ZUP1: variants seen among roughly 807,000 people sequenced by gnomAD.
ZUP1 encodes the protein zinc finger-containing ubiquitin peptidase 1.
ZUP1 carries 55 observed loss-of-function variants against 68.1 expected under a neutral mutation model. The ratio of observed to expected loss-of-function variants is 0.81; its 90% CI spans 0.65 to 1.01. The LOEUF (loss-of-function observed/expected upper bound fraction) is 1.01. Ranked by LOEUF, ZUP1 falls within the 50% of genes least tolerant of loss-of-function variation. The probability of loss-of-function intolerance (pLI) is 0.00; values close to 1 mark genes in which losing one functional copy is unlikely to be tolerated. For missense variants in ZUP1, 684 were observed against 674.9 expected (o/e 1.01, Z -0.15); for synonymous variants, 223 against 221.5 (o/e 1.01, Z -0.06).
intron 9 of ZUP1, among the ~76,000 whole-genome samples, chr6:116,639,165 A>C (rs1255844311): frequency 6.6e-6 from 1 of 152,248 alleles, no homozygotes; most frequent in African/African-American, 2.4e-5. Context: ...AGGCTCGCTT[A>C]GGTAAACAAA....
chr6:116,651,890 G>A (rs1457329006), intron 6 of ZUP1, 114 bp downstream of exon 6: 6 of 1,412,840 alleles, frequency 4.2e-6, no homozygotes, highest in East Asian at 2.3e-5. Flanking sequence ...CAGAATTCAG[G>A]TTTCTTATAT....
intron 8 of ZUP1, among the ~76,000 whole-genome samples, chr6:116,646,579 A>G (rs1168191694): frequency 6.6e-6 from 1 of 152,102 alleles, no homozygotes; most frequent in Non-Finnish European, 1.5e-5. Context: ...TGCTGGGATG[A>G]GTTGTACGTG....
At chr6:116,643,093 T>C (rs1265425756) in intron 9 of ZUP1, among the ~76,000 whole-genome samples, 1 of 151,730 alleles carries the variant, frequency 6.6e-6, no homozygotes, top group African/African-American at 2.4e-5. Context: ...CACAATTGCT[T>C]CAAAGAGAAT....
chr6:116,641,985 A>G (rs149082252), intron 9 of ZUP1, among the ~76,000 whole-genome samples: 3,477 of 152,268 alleles, frequency 0.023, 68 homozygotes, highest in Middle Eastern at 0.099. Flanking sequence ...CAGACGCAAT[A>G]AAAAATGATA....
intron 3 of ZUP1, 50 bp from the exon 4 acceptor site, chr6:116,658,974 A>AT (rs1395859540): frequency 7.1e-7 from 1 of 1,406,704 alleles, no homozygotes; most frequent in East Asian, 2.6e-5. Flanking sequence ...GCAATCAAAG[A>AT]TTATTTATTA....
intron 2 of ZUP1, among the ~76,000 whole-genome samples, chr6:116,661,348 C>CAA (rs150074054): frequency 0.012 from 1,775 of 149,702 alleles, 11 homozygotes; most frequent in African/African-American, 0.029. Flanking sequence ...CATACCACTC[C>CAA]AAAAAAAAAG....
At chr6:116,638,968 C>T (rs567049443) in intron 9 of ZUP1, among the ~76,000 whole-genome samples, 4 of 152,334 alleles carry the variant, frequency 2.6e-5, no homozygotes, top group Admixed American at 1.3e-4. Flanking sequence ...CCTGGAACAT[C>T]GGGCCACTCC....
chr6:116,663,529 C>A (rs1776906240), intron 2 of ZUP1, among the ~76,000 whole-genome samples: 1 of 152,192 alleles, frequency 6.6e-6, no homozygotes, highest in South Asian at 2.1e-4. Context: ...AAAGGATTGT[C>A]AGGCATTTTT....
intron 4 of ZUP1, among the ~76,000 whole-genome samples, 162 bp downstream of exon 4, chr6:116,658,641 C>T (rs1460474207): frequency 6.6e-6 from 1 of 152,130 alleles, no homozygotes; most frequent in Non-Finnish European, 1.5e-5. Context: ...GAAGTGATTA[C>T]CCCTGTGCCT....
intron 9 of ZUP1, 92 bp from the exon 10 acceptor site, chr6:116,635,971 A>AT (rs1474901768): frequency 4.1e-5 from 36 of 887,470 alleles, no homozygotes; most frequent in South Asian, 7.4e-5. Flanking sequence ...AAAATCTGGA[A>AT]TTTTTTTTCA....
chr6:116,656,651 T>C (rs1376627690), intron 5 of ZUP1, 33 bp downstream of exon 5: 2 of 1,570,532 alleles, frequency 1.3e-6, no homozygotes, highest in East Asian at 2.3e-5. Flanking sequence ...ATAAGCAATA[T>C]TAAAACAATG....
intron 4 of ZUP1, among the ~76,000 whole-genome samples, chr6:116,657,694 A>G (rs530831881): frequency 6.6e-6 from 1 of 152,370 alleles, no homozygotes; most frequent in African/African-American, 2.4e-5. Context: ...GAAGTCCCAA[A>G]GTATACAAAC....
chr6:116,635,631 C>A lies in ZUP1; in HGVS notation c.*201G>T. On this transcript the variant is annotated 3_prime_UTR_variant, in exon 10 of 10. Transcript: ENST00000368576. ...AAAAACAAAATCCACAATGCAAAAACAAGACATTTTATTGAAATAATTTAC... is the reference window on the plus strand; with the variant it reads ...AAAAACAAAATCCACAATGCAAAAAAAAGACATTTTATTGAAATAATTTAC... 1 of 433,962 alleles carries A rather than the reference C, an allele frequency of 2.3e-6. No homozygotes were observed. The highest frequency in any genetic ancestry group is 4.0e-6 in the Non-Finnish European group (1 of 252,662). The allele number at this position is 433,962 out of a possible 1,614,324, so 26.9% of individuals were successfully genotyped here. A position where few individuals can be genotyped will look rare whatever the true frequency, so the allele number is the denominator to read the frequency against.
rs759434759 is a variant in ZUP1, at chr6:116,660,828, T to C, written c.578A>G (p.Tyr193Cys). The part of the protein sequence containing the change: ...IPLEDCDQPL[Y>C]DCPMCGLICT... ...TATGAGCCCACACATAGGACAATCATAGAGTGGTTGATCACAGTCTGTATC... is the reference window on the plus strand; with the variant it reads ...TATGAGCCCACACATAGGACAATCACAGAGTGGTTGATCACAGTCTGTATC... Residue 193 changes from tyrosine to cysteine, a missense_variant, in exon 3 of 10, where the codon TAT (tyrosine) becomes TGT (cysteine). Coordinates refer to ENST00000368576, the MANE Select transcript of ZUP1 (RefSeq NM_145062.3). The C allele has an allele frequency of 1.5e-5, 24 of 1,585,196 alleles. No individual in the cohort carries two copies. Among genetic ancestry groups the C allele is most frequent in the Non-Finnish European group, 2.1e-5 (24 of 1,160,784 alleles).
chr6:116,661,073 A>G (rs1776824856), intron 2 of ZUP1, among the ~76,000 whole-genome samples: 1 of 151,410 alleles, frequency 6.6e-6, no homozygotes, highest in African/African-American at 2.4e-5. Context: ...ATGAGATCTC[A>G]CTATGTCGTC....
intron 9 of ZUP1, among the ~76,000 whole-genome samples, chr6:116,642,308 A>G (rs1344529381): frequency 6.6e-6 from 1 of 152,208 alleles, no homozygotes; most frequent in Non-Finnish European, 1.5e-5. Context: ...TCAATAGAAA[A>G]AGAGGGAATC....
chr6:116,636,645 A>G (rs930183978), intron 9 of ZUP1, among the ~76,000 whole-genome samples: 1 of 152,152 alleles, frequency 6.6e-6, no homozygotes, highest in Non-Finnish European at 1.5e-5. Context: ...CAAGATTAAA[A>G]AAAATTTTTG....
At chr6:116,637,074 T>C (rs1775930010) in intron 9 of ZUP1, among the ~76,000 whole-genome samples, 1 of 152,174 alleles carries the variant, frequency 6.6e-6, no homozygotes, top group South Asian at 2.1e-4. Context: ...TTTTCATTTT[T>C]CAAAATGTAA....
chr6:116,651,461 T>C, intron 7 of ZUP1, 111 bp downstream of exon 7: 1 of 867,224 alleles, frequency 1.2e-6, no homozygotes. Context: ...CTACTTAATT[T>C]AGTGCTACTT....
Sources: allele counts gnomAD v4.1 joint callset (sites outside exome capture counted in the v4.1 genomes callset), GRCh38; gene constraint gnomAD v4.1.1; transcripts MANE v1.5; gene names NCBI Gene and HGNC (gene_info 2026-07-23, HGNC 2026-07-21).